The following MYT1L variants were observed in gnomAD, a reference collection of about 807,000 sequenced individuals.
The protein encoded by MYT1L is myelin transcription factor 1-like protein.
Under a neutral mutation model 126.7 loss-of-function variants are expected in MYT1L, and 12 were observed. That is an observed-to-expected ratio of 0.09 (90% confidence interval 0.06 to 0.15). The LOEUF is 0.15. MYT1L is among the 10% of genes least tolerant of loss of function. The pLI, the probability that MYT1L is intolerant of heterozygous loss-of-function variation, is 1.00. For synonymous variants in MYT1L, 541 were observed against 604.2 expected (o/e 0.90, Z 1.53); for missense variants, 979 against 1,585.2 (o/e 0.62, Z 6.49).
intron 4 of MYT1L, among the ~76,000 whole-genome samples, chr2:2,030,752 AC>A (rs1375971029): frequency 3.3e-5 from 5 of 152,186 alleles, no homozygotes; most frequent in Admixed American, 1.3e-4. Context: ...TAAGTACAAT[AC>A]AGGTGACAAG....
At chr2:2,146,313 C>T (rs1457100187) in intron 3 of MYT1L, among the ~76,000 whole-genome samples, 2 of 152,050 alleles carry the variant, frequency 1.3e-5, no homozygotes, top group Non-Finnish European at 2.9e-5. Flanking sequence ...ACACAAAGGC[C>T]AGGAGCATGT....
At chr2:2,287,977 C>T (rs2095547107) in intron 1 of MYT1L, among the ~76,000 whole-genome samples, 1 of 152,174 alleles carries the variant, frequency 6.6e-6, no homozygotes, top group Admixed American at 6.5e-5. Context: ...GTACACACAT[C>T]ATTCTAGAAT....
At chr2:2,158,618 AACACACACACACAC>A (rs74164556) in intron 3 of MYT1L, among the ~76,000 whole-genome samples, 6 of 144,310 alleles carry the variant, frequency 4.2e-5, no homozygotes, top group East Asian at 2.0e-4. Flanking sequence ...CCATGGCATA[AACACACACACACAC>A]ACACACACAC....
intron 8 of MYT1L, among the ~76,000 whole-genome samples, chr2:1,952,068 A>C (rs370814771): frequency 6.6e-6 from 1 of 152,168 alleles, no homozygotes; most frequent in African/African-American, 2.4e-5. Flanking sequence ...TTTTCTCTGT[A>C]TTGTTACAAA....
chr2:1,924,990 A>T (rs1428435990), intron 9 of MYT1L, among the ~76,000 whole-genome samples: 2 of 152,206 alleles, frequency 1.3e-5, no homozygotes, highest in Non-Finnish European at 2.9e-5. Context: ...CTGTGATTAC[A>T]GAAGTTTCCT....
At chr2:2,127,483 G>C (rs1257508368) in intron 3 of MYT1L, among the ~76,000 whole-genome samples, 2 of 152,122 alleles carry the variant, frequency 1.3e-5, no homozygotes, top group African/African-American at 4.8e-5. Flanking sequence ...AGCTCCCTAG[G>C]TGCATAAACC....
chr2:2,004,864 G>C lies in MYT1L; in HGVS notation c.-157-7517C>G, dbSNP rs549811329. ...CCTGCATGCGCTCTTTCCTGCATGC[G>C]TTCTTTCCTGTAGGAGTTCTTTCCT... On this transcript the variant is annotated intron_variant, in intron 4 of 24. Transcript: ENST00000647738. Among the ~76,000 whole-genome samples, 315 of 143,852 alleles carry C rather than the reference G, an allele frequency of 2.2e-3. 2 individuals carry two copies. The highest frequency in any genetic ancestry group is 8.9e-3 in the Middle Eastern group (2 of 224). 94.4% of individuals were successfully genotyped at this position (143,852 alleles called of 152,430 possible).
chr2:1,940,944 T>C (rs2056582424), intron 9 of MYT1L, among the ~76,000 whole-genome samples: 1 of 152,242 alleles, frequency 6.6e-6, no homozygotes, highest in Non-Finnish European at 1.5e-5. Context: ...TTGGCGGTGC[T>C]GTCACACATC....
chr2:2,202,945 C>A (rs2093148175), intron 2 of MYT1L, among the ~76,000 whole-genome samples: 2 of 151,982 alleles, frequency 1.3e-5, no homozygotes, highest in South Asian at 4.2e-4. Context: ...GGCTTCATCC[C>A]TGGGATGCAA....
intron 8 of MYT1L, among the ~76,000 whole-genome samples, chr2:1,970,297 C>T (rs770090183): frequency 1.6e-4 from 25 of 152,120 alleles, no homozygotes; most frequent in African/African-American, 5.6e-4. Flanking sequence ...CGGGTCCCAG[C>T]GATGCTCATG....
chr2:2,298,444 C>A (rs1487094421), intron 1 of MYT1L, among the ~76,000 whole-genome samples: 2 of 152,208 alleles, frequency 1.3e-5, no homozygotes, highest in African/African-American at 4.8e-5. Context: ...TAGTTTAACA[C>A]ATGGCTTTAC....
intron 3 of MYT1L, among the ~76,000 whole-genome samples, chr2:2,113,778 T>C (rs550532944): frequency 2.6e-5 from 4 of 152,048 alleles, no homozygotes; most frequent in Non-Finnish European, 5.9e-5. Flanking sequence ...ATTACACAGA[T>C]AGGAAAATAG....
At chr2:2,011,638 G>C (rs1216730988) in intron 4 of MYT1L, among the ~76,000 whole-genome samples, 4 of 151,916 alleles carry the variant, frequency 2.6e-5, no homozygotes, top group Non-Finnish European at 5.9e-5. Context: ...ATATTGATAA[G>C]GGATTTCTAT....
chr2:1,991,763 A>T (rs2149571262), intron 5 of MYT1L, among the ~76,000 whole-genome samples: 1 of 152,076 alleles, frequency 6.6e-6, no homozygotes. Context: ...CACTTTTAAC[A>T]TCCTTCTTTC....
In MYT1L at chr2:1,956,191, G is replaced by GTCTGTCTATCTATCTATCTATCTA. The variant is rs1553354694; in HGVS notation, c.153-12858_153-12857insTAGATAGATAGATAGATAGACAGA. Reference sequence around the variant, plus strand: ...TGTCTGCCTGTTCATTTACCTAGCTGTCTATCTATCTATCTATCTATCTAT... The same window carrying GTCTGTCTATCTATCTATCTATCTA: ...TGTCTGCCTGTTCATTTACCTAGCTGTCTGTCTATCTATCTATCTATCTATCTATCTATCTATCTATCTATCTAT... On this transcript the variant is annotated intron_variant, in intron 8 of 24. Transcript: ENST00000647738. Among the ~76,000 whole-genome samples, 78 of 145,986 alleles carry GTCTGTCTATCTATCTATCTATCTA rather than the reference G, an allele frequency of 5.3e-4. 5 individuals are homozygous for GTCTGTCTATCTATCTATCTATCTA. Among genetic ancestry groups the GTCTGTCTATCTATCTATCTATCTA allele is most frequent in the East Asian group, 1.4e-3 (7 of 4,930 alleles).
intron 3 of MYT1L, among the ~76,000 whole-genome samples, chr2:2,150,744 C>G (rs2085626047): frequency 6.6e-6 from 1 of 151,432 alleles, no homozygotes; most frequent in Non-Finnish European, 1.5e-5. Context: ...AAATGTACAA[C>G]TAGGCTTTTG....
chr2:2,123,986 C>T (rs1376585547), intron 3 of MYT1L, among the ~76,000 whole-genome samples: 5 of 152,224 alleles, frequency 3.3e-5, no homozygotes, highest in African/African-American at 1.2e-4. Context: ...CCTGCAGACC[C>T]ACTTCAGATA....
intron 8 of MYT1L, among the ~76,000 whole-genome samples, chr2:1,962,594 G>C (rs1342636449): frequency 6.6e-6 from 1 of 152,138 alleles, no homozygotes; most frequent in Non-Finnish European, 1.5e-5. Context: ...TGTAGCACAT[G>C]GTGCTATTTG....
intron 2 of MYT1L, among the ~76,000 whole-genome samples, chr2:2,225,041 A>G (rs1279330494): frequency 6.6e-6 from 1 of 151,774 alleles, no homozygotes; most frequent in Admixed American, 6.6e-5. Flanking sequence ...GGTCCCACAC[A>G]TTGTGTGACC....
Sources: gnomAD v4.1 joint callset for allele counts (sites outside exome capture counted in the v4.1 genomes callset) on GRCh38, gnomAD v4.1.1 for gene constraint, MANE v1.5 for transcripts, NCBI Gene and HGNC (gene_info 2026-07-23, HGNC 2026-07-21) for gene names.